Variants in PTPRT observed in about 807,000 individuals in gnomAD.
The protein encoded by PTPRT is protein tyrosine phosphatase receptor type T, also known as receptor-type tyrosine-protein phosphatase T.
PTPRT carries 56 observed loss-of-function variants against 176.8 expected under a neutral mutation model. The observed-to-expected ratio is 0.32, with a 90% CI of 0.26 to 0.40. PTPRT has a LOEUF of 0.40. PTPRT is among the 10% of genes least tolerant of loss of function. The pLI is 1.00. For missense variants in PTPRT, 1,540 were observed against 1,908.2 expected (o/e 0.81, Z 3.60); for synonymous variants, 783 against 739.0 (o/e 1.06, Z -0.96).
intron 2 of PTPRT, among the ~76,000 whole-genome samples, chr20:42,876,213 A>G (rs1003106922): frequency 1.3e-5 from 2 of 152,226 alleles, no homozygotes; most frequent in African/African-American, 4.8e-5. Context: ...AGGAAAGAAA[A>G]AAATGTACTG....
At chr20:42,846,567 A>T (rs1037618545) in intron 2 of PTPRT, among the ~76,000 whole-genome samples, 4 of 152,228 alleles carry the variant, frequency 2.6e-5, no homozygotes, top group African/African-American at 9.6e-5. Context: ...TGCTTAATAC[A>T]AAGCTTGGGA....
intron 6 of PTPRT, among the ~76,000 whole-genome samples, chr20:42,701,689 T>C (rs2075975936): frequency 6.6e-6 from 1 of 152,090 alleles, no homozygotes; most frequent in Non-Finnish European, 1.5e-5. Context: ...GGCAATCCTA[T>C]AGAGACTGGA....
chr20:42,631,115 G>T (rs1569034465), intron 7 of PTPRT, among the ~76,000 whole-genome samples: 1 of 152,034 alleles, frequency 6.6e-6, no homozygotes, highest in Admixed American at 6.6e-5. Flanking sequence ...TATCAAAAGA[G>T]GTCAAGCTAA....
rs763631753 is a variant in PTPRT, at chr20:42,081,993, G to T, written c.4161C>A (p.Thr1387=). The T allele has an allele frequency of 1.9e-6, 3 of 1,614,214 alleles. No individual in the cohort carries two copies. Among genetic ancestry groups the T allele is most frequent in the African/African-American group, 2.7e-5 (2 of 75,060 alleles). Residue 1387 remains threonine (T), a synonymous_variant, in exon 30 of 31, where the codon ACC becomes ACA. Transcript: ENST00000373187. ...CACACACACTGCAGATGGCACAGAA[G>T]GTTCCACTACGGCCTCCCCCATTTC... ...HCLNGGGRSG[T]FCAICSVCEM...
downstream of PTPRT, among the ~76,000 whole-genome samples, chr20:42,068,902 A>C (rs1315965798): frequency 1.3e-5 from 2 of 152,196 alleles, no homozygotes; most frequent in Non-Finnish European, 2.9e-5. Flanking sequence ...CCTCGCCTTA[A>C]TAGAGAAACA....
chr20:42,622,114 C>T (rs1311887901), intron 7 of PTPRT, among the ~76,000 whole-genome samples: 1 of 152,204 alleles, frequency 6.6e-6, no homozygotes, highest in Admixed American at 6.5e-5. Context: ...TATGCCTCTA[C>T]CTTAGAAAAT....
chr20:42,402,034 A>G (rs2058913226), intron 9 of PTPRT, among the ~76,000 whole-genome samples: 1 of 152,136 alleles, frequency 6.6e-6, no homozygotes, highest in Non-Finnish European at 1.5e-5. Flanking sequence ...CTCTGATTCT[A>G]ATCAGGCTAA....
At chr20:42,560,628 A>G (rs1266316103) in intron 7 of PTPRT, among the ~76,000 whole-genome samples, 1 of 152,134 alleles carries the variant, frequency 6.6e-6, no homozygotes, top group African/African-American at 2.4e-5. Flanking sequence ...CCCATTCACA[A>G]TGCTCTCTGC....
chr20:42,765,465 T>C (rs569091598), intron 5 of PTPRT, among the ~76,000 whole-genome samples: 1 of 152,350 alleles, frequency 6.6e-6, no homozygotes, highest in South Asian at 2.1e-4. Flanking sequence ...AAAGGCTTCT[T>C]CGTATACTAG....
chr20:42,243,756 G>T (rs2056399983), intron 14 of PTPRT, among the ~76,000 whole-genome samples: 1 of 152,186 alleles, frequency 6.6e-6, no homozygotes. Flanking sequence ...CTGAGACTGG[G>T]TTTCCACATC....
At chr20:42,307,934 C>T (rs540230314) in intron 12 of PTPRT, among the ~76,000 whole-genome samples, 91 of 152,250 alleles carry the variant, frequency 6.0e-4, no homozygotes, top group African/African-American at 1.8e-3. Flanking sequence ...ACAAAAGTGA[C>T]GGCTGGTCAT....
chr20:42,616,455 T>C (rs2074080696), intron 7 of PTPRT, among the ~76,000 whole-genome samples: 1 of 126,360 alleles, frequency 7.9e-6, no homozygotes, highest in Non-Finnish European at 1.6e-5. Flanking sequence ...TTTAAAGTAG[T>C]TTTTTCCAAT....
chr20:42,965,477 T>C (rs767199808), intron 1 of PTPRT, among the ~76,000 whole-genome samples: 4 of 152,228 alleles, frequency 2.6e-5, no homozygotes, highest in Non-Finnish European at 5.9e-5. Context: ...TGTTTTTACA[T>C]ATAGTGTATA....
chr20:42,676,125 G>A (rs541996532), intron 7 of PTPRT, among the ~76,000 whole-genome samples: 1 of 152,192 alleles, frequency 6.6e-6, no homozygotes, highest in Admixed American at 6.5e-5. Context: ...TCAGATTCTG[G>A]AGCATTTTGG....
intron 6 of PTPRT, among the ~76,000 whole-genome samples, chr20:42,705,985 A>G (rs754808626): frequency 6.6e-6 from 1 of 152,046 alleles, no homozygotes; most frequent in African/African-American, 2.4e-5. Flanking sequence ...TCTGCTCTGT[A>G]TAATGGGGAG....
intron 9 of PTPRT, among the ~76,000 whole-genome samples, chr20:42,439,978 C>G (rs1435211564): frequency 6.6e-6 from 1 of 152,166 alleles, no homozygotes; most frequent in Non-Finnish European, 1.5e-5. Flanking sequence ...ATGATCTCAA[C>G]TCACTGCAAC....
At chr20:42,847,776 T>C (rs1436782419) in intron 2 of PTPRT, among the ~76,000 whole-genome samples, 1 of 152,172 alleles carries the variant, frequency 6.6e-6, no homozygotes, top group Admixed American at 6.5e-5. Flanking sequence ...GTTTAGACTT[T>C]GCATCAATGA....
At chr20:42,827,630 G>A (rs1049294909) in intron 2 of PTPRT, among the ~76,000 whole-genome samples, 5 of 152,168 alleles carry the variant, frequency 3.3e-5, no homozygotes, top group Admixed American at 2.6e-4. Context: ...ATCTCATTGT[G>A]AATTGTAGTT....
chr20:42,495,347 G>A (rs2145394026), intron 7 of PTPRT, among the ~76,000 whole-genome samples: 1 of 152,268 alleles, frequency 6.6e-6, no homozygotes, highest in Admixed American at 6.5e-5. Flanking sequence ...AGGCCAGAGG[G>A]CAGTGCCTTC....
Sources: allele counts gnomAD v4.1 joint callset (sites outside exome capture counted in the v4.1 genomes callset), GRCh38; gene constraint gnomAD v4.1.1; transcripts MANE v1.5; gene names NCBI Gene and HGNC (gene_info 2026-07-23, HGNC 2026-07-21).